PXDNL: variants seen among roughly 807,000 people sequenced by gnomAD.
PXDNL encodes the protein peroxidasin like.
Under a neutral mutation model 150.8 loss-of-function variants are expected in PXDNL, and 145 were observed. The observed-to-expected ratio is 0.96, with a 90% CI of 0.84 to 1.10. The LOEUF (loss-of-function observed/expected upper bound fraction) is 1.10. Among genes scored for constraint, PXDNL ranks in the 50% least tolerant of loss-of-function variants. PXDNL has a pLI of 0.00. For missense variants in PXDNL, 2,087 were observed against 1,873.9 expected, an observed-to-expected ratio of 1.11 and a Z score of -2.10; for synonymous variants, 757 against 725.7, an observed-to-expected ratio of 1.04 and a Z score of -0.69.
At chr8:51,715,260 C>T (rs1167824648) in intron 1 of PXDNL, among the ~76,000 whole-genome samples, 1 of 152,148 alleles carries the variant, frequency 6.6e-6, no homozygotes, top group Non-Finnish European at 1.5e-5. Flanking sequence ...AGATGCTCAA[C>T]ATCACTGATC....
Position 51,375,401 on chromosome 8 carries a change from G to T in PXDNL, c.3558-670C>A, listed in dbSNP as rs753946995. Among the ~76,000 whole-genome samples the T allele has an allele frequency of 2.0e-5, 3 of 152,090 alleles. No individual in the cohort carries two copies. In the East Asian group the frequency reaches 5.8e-4, roughly 29 times the overall value. On this transcript the variant is annotated intron_variant, in intron 17 of 22. Transcript: ENST00000356297. ...ACTCCCAGTAGGAGCCACTCTGATTGTTTTTTTCTCTCTACTCTAATGATA... is the reference window on the plus strand; with the variant it reads ...ACTCCCAGTAGGAGCCACTCTGATTTTTTTTTTCTCTCTACTCTAATGATA...
At chr8:51,422,994 C>T (rs915890205) in intron 14 of PXDNL, among the ~76,000 whole-genome samples, 9 of 152,220 alleles carry the variant, frequency 5.9e-5, no homozygotes, top group African/African-American at 2.2e-4. Context: ...TATAAGACTA[C>T]AGTAAACAGT....
intron 5 of PXDNL, among the ~76,000 whole-genome samples, chr8:51,498,269 C>T (rs1462274824): frequency 6.5e-5 from 8 of 123,624 alleles, no homozygotes; most frequent in South Asian, 5.3e-4. Flanking sequence ...CATCACACAC[C>T]GGGGCCTGTT....
chr8:51,535,680 TC>T (rs1431117261), intron 4 of PXDNL, among the ~76,000 whole-genome samples: 1 of 135,056 alleles, frequency 7.4e-6, no homozygotes, highest in African/African-American at 3.2e-5. Context: ...CCCTGCCAAA[TC>T]CCCCTCTGCG....
chr8:51,373,888 GC>G (rs1192333744), intron 18 of PXDNL, among the ~76,000 whole-genome samples: 1 of 152,124 alleles, frequency 6.6e-6, no homozygotes, highest in African/African-American at 2.4e-5. Context: ...CTCAGGAGAG[GC>G]TGCTTAGGTT....
At chr8:51,543,351 T>C (rs73586762) in intron 4 of PXDNL, among the ~76,000 whole-genome samples, 7,940 of 152,240 alleles carry the variant, frequency 0.052, 502 homozygotes, top group African/African-American at 0.15. Flanking sequence ...GTGTAGAAGC[T>C]TCCTGTTGTC....
intron 1 of PXDNL, among the ~76,000 whole-genome samples, chr8:51,677,498 T>A (rs1283540438): frequency 6.6e-6 from 1 of 152,214 alleles, no homozygotes; most frequent in African/African-American, 2.4e-5. Context: ...AATGACTCAA[T>A]CCAGAGTTAT....
intron 17 of PXDNL, among the ~76,000 whole-genome samples, chr8:51,400,608 T>G (rs962739675): frequency 1.3e-5 from 2 of 152,224 alleles, no homozygotes; most frequent in African/African-American, 4.8e-5. Flanking sequence ...CTGACCACCT[T>G]ATTTTTAATA....
intron 2 of PXDNL, among the ~76,000 whole-genome samples, chr8:51,615,523 G>A (rs984714777): frequency 6.6e-6 from 1 of 151,874 alleles, no homozygotes; most frequent in African/African-American, 2.4e-5. Context: ...CAAACTTAAA[G>A]AGTCTGGGGG....
chr8:51,380,198 C>G (rs770442992), intron 17 of PXDNL, among the ~76,000 whole-genome samples: 11 of 152,068 alleles, frequency 7.2e-5, no homozygotes, highest in Non-Finnish European at 1.5e-4. Context: ...GGACCACAGT[C>G]AAAGCCATCC....
At chr8:51,542,249 C>T (rs543203579) in intron 4 of PXDNL, among the ~76,000 whole-genome samples, 2 of 152,210 alleles carry the variant, frequency 1.3e-5, no homozygotes, top group Admixed American at 6.5e-5. Flanking sequence ...AGAACACAAC[C>T]TCAGACAAGG....
chr8:51,709,699 C>T (rs934947438), intron 1 of PXDNL, among the ~76,000 whole-genome samples: 3 of 152,132 alleles, frequency 2.0e-5, no homozygotes, highest in Non-Finnish European at 4.4e-5. Flanking sequence ...GGTACATGAA[C>T]ATGGTGAGAT....
intron 1 of PXDNL, among the ~76,000 whole-genome samples, chr8:51,673,087 A>G (rs1038252710): frequency 2.6e-5 from 4 of 152,218 alleles, no homozygotes; most frequent in African/African-American, 9.6e-5. Flanking sequence ...CATTCTTCAA[A>G]TATTAGAAAG....
chr8:51,537,091 C>G (rs1354718392), intron 4 of PXDNL, among the ~76,000 whole-genome samples: 1 of 152,146 alleles, frequency 6.6e-6, no homozygotes, highest in African/African-American at 2.4e-5. Flanking sequence ...AGATAAGACT[C>G]GGATAGTATC....
At chr8:51,515,881 T>C (rs1440294025) in intron 4 of PXDNL, among the ~76,000 whole-genome samples, 2 of 152,374 alleles carry the variant, frequency 1.3e-5, no homozygotes, top group East Asian at 3.9e-4. Flanking sequence ...TTTCCTAATT[T>C]CATGTTTTAC....
intron 13 of PXDNL, 137 bp downstream of exon 13, chr8:51,426,509 T>G (rs1809103930): frequency 1.8e-6 from 1 of 552,720 alleles, no homozygotes; most frequent in African/African-American, 1.9e-5. Context: ...GTAAACCTGC[T>G]GCAATGTAAA....
intron 1 of PXDNL, among the ~76,000 whole-genome samples, chr8:51,675,914 A>G (rs373199799): frequency 1.3e-5 from 2 of 152,278 alleles, no homozygotes; most frequent in South Asian, 2.1e-4. Flanking sequence ...TATAGAAAGC[A>G]GACTTTCTAA....
intron 1 of PXDNL, among the ~76,000 whole-genome samples, chr8:51,718,394 T>G (rs1816659638): frequency 6.6e-6 from 1 of 152,208 alleles, no homozygotes; most frequent in Admixed American, 6.5e-5. Context: ...TTGGCTGTAC[T>G]GGAGGTTAGG....
intron 1 of PXDNL, among the ~76,000 whole-genome samples, chr8:51,754,535 G>A (rs1187025686): frequency 2.6e-5 from 4 of 151,434 alleles, no homozygotes; most frequent in African/African-American, 7.3e-5. Context: ...GCAGAGTCTC[G>A]CTCTGTCACC....
Sources: allele counts gnomAD v4.1 joint callset (sites outside exome capture counted in the v4.1 genomes callset), GRCh38; gene constraint gnomAD v4.1.1; transcripts MANE v1.5; gene names NCBI Gene and HGNC (gene_info 2026-07-23, HGNC 2026-07-21).